Variants in PTPRK observed in about 807,000 individuals in gnomAD.
The protein encoded by PTPRK is receptor-type tyrosine-protein phosphatase kappa.
Under a neutral mutation model 178.0 loss-of-function variants are expected in PTPRK, and 75 were observed. That is an observed-to-expected ratio of 0.42 (90% CI 0.35 to 0.51). PTPRK has a LOEUF of 0.51. Among genes scored for constraint, PTPRK ranks in the 20% least tolerant of loss-of-function variants. The probability of loss-of-function intolerance (pLI) is 0.02; values close to 1 mark genes in which losing one functional copy is unlikely to be tolerated. For synonymous variants in PTPRK, 637 were observed against 620.6 expected (o/e 1.03, Z -0.39); for missense variants, 1,441 against 1,797.8 (o/e 0.80, Z 3.59).
intron 13 of PTPRK, among the ~76,000 whole-genome samples, chr6:128,011,778 T>A (rs1332258705): frequency 6.6e-6 from 1 of 151,076 alleles, no homozygotes; most frequent in Non-Finnish European, 1.5e-5. Flanking sequence ...TTTCCAGAAA[T>A]AAAAAGCCAA....
chr6:128,268,026 A>G (rs184257556), intron 3 of PTPRK, among the ~76,000 whole-genome samples: 246 of 152,200 alleles, frequency 1.6e-3, no homozygotes, highest in Admixed American at 3.7e-3. Context: ...TACCAGCATC[A>G]TATTTTAGCA....
At chr6:128,489,400 A>G (rs1853439999) in intron 1 of PTPRK, among the ~76,000 whole-genome samples, 1 of 152,212 alleles carries the variant, frequency 6.6e-6, no homozygotes, top group Admixed American at 6.5e-5. Context: ...TCCTGGTAAG[A>G]GTCCTGCACA....
intron 7 of PTPRK, among the ~76,000 whole-genome samples, chr6:128,113,992 AAAGCCTTGATTGAT>A (rs1357202294): frequency 6.6e-6 from 1 of 152,184 alleles, no homozygotes; most frequent in Non-Finnish European, 1.5e-5. Flanking sequence ...ATATAACAAG[AAAGCCTTGATTGAT>A]AATAAGGCAT....
intron 7 of PTPRK, among the ~76,000 whole-genome samples, chr6:128,115,333 T>C (rs983085866): frequency 6.6e-6 from 1 of 152,158 alleles, no homozygotes; most frequent in African/African-American, 2.4e-5. Context: ...TTCTAGGAAA[T>C]GTACCTTCTA....
At chr6:128,410,939 T>C (rs1351349827) in intron 1 of PTPRK, among the ~76,000 whole-genome samples, 1 of 152,212 alleles carries the variant, frequency 6.6e-6, no homozygotes, top group Non-Finnish European at 1.5e-5. Context: ...TCGCCCAGAC[T>C]GAAGTGCAGT....
chr6:128,292,854 T>C (rs1233573455), intron 3 of PTPRK, among the ~76,000 whole-genome samples: 2 of 152,088 alleles, frequency 1.3e-5, no homozygotes, highest in Non-Finnish European at 2.9e-5. Context: ...GCGCAACAGC[T>C]GTGGGTAATT....
intron 13 of PTPRK, among the ~76,000 whole-genome samples, chr6:128,009,907 T>C (rs190124157): frequency 1.3e-5 from 2 of 151,348 alleles, no homozygotes; most frequent in East Asian, 3.9e-4. Flanking sequence ...TTTGAGAAGA[T>C]GATTATTTTT....
chr6:128,218,823 G>T, intron 6 of PTPRK, 99 bp downstream of exon 6: 1 of 1,103,652 alleles, frequency 9.1e-7, no homozygotes, highest in Non-Finnish European at 1.3e-6. Flanking sequence ...CTTGACATCA[G>T]AAACACTATG....
At chr6:128,000,289 C>T in intron 15 of PTPRK, 2 of 1,286,902 alleles carry the variant, frequency 1.6e-6, no homozygotes, top group Non-Finnish European at 2.0e-6. Context: ...TAGGATATAG[C>T]AAAAAATGAA....
chr6:128,262,422 G>A (rs1412219748), intron 3 of PTPRK, among the ~76,000 whole-genome samples: 1 of 151,900 alleles, frequency 6.6e-6, no homozygotes, highest in Non-Finnish European at 1.5e-5. Flanking sequence ...CTAAATTTTT[G>A]GCCTTTTTGT....
intron 15 of PTPRK, chr6:128,001,095 G>T (rs1777781095): frequency 4.4e-6 from 4 of 905,874 alleles, no homozygotes; most frequent in Non-Finnish European, 6.6e-6. Flanking sequence ...AGTAGTGAGG[G>T]TACACGTACT....
chr6:128,374,625 T>C (rs192994927), intron 2 of PTPRK, among the ~76,000 whole-genome samples: 33 of 152,200 alleles, frequency 2.2e-4, no homozygotes, highest in Middle Eastern at 3.4e-3. Flanking sequence ...TTAATAACCA[T>C]CTCTGATTAT....
intron 3 of PTPRK, among the ~76,000 whole-genome samples, chr6:128,260,734 G>A (rs578235588): frequency 1.2e-4 from 19 of 152,210 alleles, no homozygotes; most frequent in South Asian, 1.0e-3. Context: ...TTAGTTCTCC[G>A]TTCAACTCCA....
intron 13 of PTPRK, among the ~76,000 whole-genome samples, chr6:128,014,576 G>A (rs1036037540): frequency 4.6e-5 from 7 of 151,652 alleles, no homozygotes; most frequent in African/African-American, 1.7e-4. Flanking sequence ...AGACGCTGCT[G>A]CTCTAGGTAG....
chr6:128,437,539 ATT>A (rs1471348585), intron 1 of PTPRK, among the ~76,000 whole-genome samples: 1 of 152,212 alleles, frequency 6.6e-6, no homozygotes, highest in African/African-American at 2.4e-5. Flanking sequence ...TTCCGGTGAC[ATT>A]ACCACAATAA....
chr6:128,206,406 TAAA>T (rs60030807), intron 6 of PTPRK, among the ~76,000 whole-genome samples: 2 of 120,584 alleles, frequency 1.7e-5, no homozygotes, highest in Non-Finnish European at 3.5e-5. Context: ...GGGTGTTCAT[TAAA>T]AAAAAAAAAA....
At chr6:128,322,464 T>C (rs1319310666) in intron 2 of PTPRK, among the ~76,000 whole-genome samples, 154 bp from the exon 3 acceptor site, 1 of 152,090 alleles carries the variant, frequency 6.6e-6, no homozygotes, top group Non-Finnish European at 1.5e-5. Context: ...ATCAAATAAG[T>C]AGATGAACTG....
At chr6:128,234,787 C>A (rs1812925935) in intron 5 of PTPRK, among the ~76,000 whole-genome samples, 1 of 152,084 alleles carries the variant, frequency 6.6e-6, no homozygotes, top group South Asian at 2.1e-4. Context: ...TATAGGCATT[C>A]TTGTACAAGT....
At chr6:128,135,356 C>T (rs1469103712) in intron 7 of PTPRK, among the ~76,000 whole-genome samples, 2 of 151,010 alleles carry the variant, frequency 1.3e-5, no homozygotes, top group Non-Finnish European at 2.9e-5. Context: ...CAGTGGTGCT[C>T]TTCCCTGGTG....
Sources: gnomAD v4.1 joint callset for allele counts (sites outside exome capture counted in the v4.1 genomes callset) on GRCh38, gnomAD v4.1.1 for gene constraint, MANE v1.5 for transcripts, NCBI Gene and HGNC (gene_info 2026-07-23, HGNC 2026-07-21) for gene names.